The following C8A variants were observed in gnomAD, a reference collection of about 807,000 sequenced individuals.
C8A encodes the protein complement component C8 alpha chain.
Under a neutral mutation model 65.3 loss-of-function variants are expected in C8A, and 67 were observed. The ratio of observed to expected loss-of-function variants is 1.03; its 90% CI spans 0.84 to 1.26. C8A has a LOEUF of 1.26. Among genes scored for constraint, C8A ranks in the 50% most tolerant of loss-of-function variants. C8A has a pLI of 0.00. For missense variants in C8A, 781 were observed against 723.9 expected (o/e 1.08, Z -0.90); for synonymous variants, 290 against 259.4 (o/e 1.12, Z -1.13).
At chr1:56,915,010 T>C (rs1644539966) in intron 10 of C8A, among the ~76,000 whole-genome samples, 1 of 152,200 alleles carries the variant, frequency 6.6e-6, no homozygotes, top group South Asian at 2.1e-4. Flanking sequence ...CCAATTTCCA[T>C]CTGGGCATAC....
intron 7 of C8A, among the ~76,000 whole-genome samples, chr1:56,889,059 C>G (rs1644323968): frequency 6.6e-6 from 1 of 152,084 alleles, no homozygotes; most frequent in Non-Finnish European, 1.5e-5. Context: ...ATCTGTGAGG[C>G]TGAAATGGGC....
intron 2 of C8A, among the ~76,000 whole-genome samples, chr1:56,874,349 G>A (rs1292715441): frequency 6.6e-6 from 1 of 152,106 alleles, no homozygotes; most frequent in Non-Finnish European, 1.5e-5. Context: ...CTTAACTATA[G>A]GAGATATATC....
At chr1:56,893,497 G>C (rs972605313) in intron 7 of C8A, among the ~76,000 whole-genome samples, 2 of 152,074 alleles carry the variant, frequency 1.3e-5, no homozygotes, top group Non-Finnish European at 2.9e-5. Context: ...GTTTCTTCAA[G>C]ATCCAAATAA....
At chr1:56,891,523 G>A (rs1219795518) in intron 7 of C8A, among the ~76,000 whole-genome samples, 1 of 152,054 alleles carries the variant, frequency 6.6e-6, no homozygotes, top group East Asian at 1.9e-4. Context: ...GAGCAGGAGT[G>A]GACTCAGGAA....
chr1:56,907,831 A>T, intron 8 of C8A, 125 bp from the exon 9 acceptor site: 1 of 1,082,200 alleles, frequency 9.2e-7, no homozygotes, highest in Non-Finnish European at 1.4e-6. Flanking sequence ...CAAGAAGAGA[A>T]GAAGAATGGT....
intron 2 of C8A, among the ~76,000 whole-genome samples, chr1:56,869,702 C>T (rs1232142529): frequency 6.6e-6 from 1 of 152,122 alleles, no homozygotes. Context: ...TTAATTATGG[C>T]CATTCTTTCA....
chr1:56,891,032 TATAATCGCG>T (rs1381157224), intron 7 of C8A, among the ~76,000 whole-genome samples: 46 of 152,296 alleles, frequency 3.0e-4, no homozygotes, highest in African/African-American at 1.1e-3. Context: ...TTGATCAATA[TATAATCGCG>T]AATTGTGATA....
chr1:56,913,966 T>C (rs1754538), intron 10 of C8A, among the ~76,000 whole-genome samples: 15,592 of 152,184 alleles, frequency 0.1, 1,252 homozygotes, highest in African/African-American at 0.22. Flanking sequence ...AGTCAAGAGC[T>C]CAGGATAAGA....
intron 9 of C8A, among the ~76,000 whole-genome samples, chr1:56,911,062 T>TG (rs202020865): frequency 1.1e-5 from 1 of 94,982 alleles, no homozygotes; most frequent in Admixed American, 1.3e-4. Context: ...TTGAAAAACA[T>TG]GGGTTTTTTT....
intron 7 of C8A, among the ~76,000 whole-genome samples, chr1:56,896,255 A>T (rs987097326): frequency 6.6e-6 from 1 of 152,134 alleles, no homozygotes; most frequent in Non-Finnish European, 1.5e-5. Context: ...TATTACAATG[A>T]ATTGGTTCAT....
intron 1 of C8A, among the ~76,000 whole-genome samples, chr1:56,856,160 T>A (rs899076695): frequency 6.6e-6 from 1 of 152,124 alleles, no homozygotes; most frequent in Non-Finnish European, 1.5e-5. Flanking sequence ...GAGGAAATCA[T>A]GAGGTCTTTG....
At chr1:56,897,696 A>G (rs1644396635) in intron 7 of C8A, among the ~76,000 whole-genome samples, 1 of 152,142 alleles carries the variant, frequency 6.6e-6, no homozygotes, top group Non-Finnish European at 1.5e-5. Context: ...TTTGATTATA[A>G]CTCCCTTTCA....
At chr1:56,900,820 C>T (rs566826906) in intron 7 of C8A, among the ~76,000 whole-genome samples, 6 of 152,216 alleles carry the variant, frequency 3.9e-5, no homozygotes, top group East Asian at 1.9e-4. Context: ...TTTGCAAACC[C>T]GAGAGATGAC....
At chr1:56,912,976 GA>G (rs1292138942) in intron 10 of C8A, among the ~76,000 whole-genome samples, 1 of 152,204 alleles carries the variant, frequency 6.6e-6, no homozygotes, top group Non-Finnish European at 1.5e-5. Context: ...CTGGAAGCTA[GA>G]AGTCCAAAGT....
intron 7 of C8A, among the ~76,000 whole-genome samples, chr1:56,893,218 G>T (rs1426085888): frequency 6.6e-6 from 1 of 152,030 alleles, no homozygotes; most frequent in Non-Finnish European, 1.5e-5. Flanking sequence ...TCTGTTGTGA[G>T]AATTAACCAA....
intron 8 of C8A, 150 bp from the exon 9 acceptor site, chr1:56,907,804 TTG>T: frequency 1.1e-6 from 1 of 912,356 alleles, no homozygotes; most frequent in Non-Finnish European, 1.7e-6. Context: ...CCCTTCTGCC[TTG>T]TCCTGCTAGC....
chr1:56,874,974 C>A lies in C8A; in HGVS notation c.197C>A (p.Pro66Gln). 1 of 1,613,738 alleles carries A rather than the reference C, an allele frequency of 6.2e-7. No homozygotes were observed. The highest frequency in any genetic ancestry group is 8.5e-7 in the Non-Finnish European group (1 of 1,179,818). The change falls in exon 3 of 11, where the codon CCA (proline) becomes CAA (glutamine). Residue 66 changes from proline to glutamine, a missense_variant. Pro to Gln is a moderately conservative substitution (Grantham distance 76). Coordinates refer to ENST00000361249, the MANE Select transcript of C8A (RefSeq NM_000562.3). The part of the protein sequence containing the change: ...KKYRHRSLLQ[P>Q]NKFGGTICSG... Reference sequence around the variant, plus strand: ...TACCGACACCGGAGCCTCTTGCAGCCAAACAAGTTTGGGGGAACCATCTGC... The same window carrying A: ...TACCGACACCGGAGCCTCTTGCAGCAAAACAAGTTTGGGGGAACCATCTGC...
At chr1:56,865,655 T>C (rs1644078598) in intron 1 of C8A, among the ~76,000 whole-genome samples, 1 of 152,188 alleles carries the variant, frequency 6.6e-6, no homozygotes, top group Admixed American at 6.5e-5. Flanking sequence ...TTATTTGGGC[T>C]TAGATATTTG....
At chr1:56,884,188 A>T (rs1408316596) in intron 6 of C8A, among the ~76,000 whole-genome samples, 1 of 152,092 alleles carries the variant, frequency 6.6e-6, no homozygotes, top group African/African-American at 2.4e-5. Context: ...TTAGATCTAA[A>T]GATTAGTGCA....
Sources: allele counts gnomAD v4.1 joint callset (sites outside exome capture counted in the v4.1 genomes callset), GRCh38; gene constraint gnomAD v4.1.1; transcripts MANE v1.5; gene names NCBI Gene and HGNC (gene_info 2026-07-23, HGNC 2026-07-21).